Variants in SIM2 observed in about 807,000 individuals in gnomAD.
SIM2 encodes SIM bHLH transcription factor 2, also known as single-minded homolog 2.
A neutral mutation model predicts 64.8 loss-of-function variants in SIM2; 28 were observed. The observed-to-expected ratio is 0.43, with a 90% CI of 0.32 to 0.59. SIM2 has a LOEUF of 0.59. Among genes scored for constraint, SIM2 ranks in the 20% least tolerant of loss-of-function variants. The pLI is 0.07. For missense variants in SIM2, 847 were observed against 871.4 expected (o/e 0.97, Z 0.35); for synonymous variants, 408 against 391.1 (o/e 1.04, Z -0.51).
intron 3 of SIM2, among the ~76,000 whole-genome samples, chr21:36,716,397 C>T (rs2088747257): frequency 6.6e-6 from 1 of 151,728 alleles, no homozygotes; most frequent in Non-Finnish European, 1.5e-5. Flanking sequence ...TTATGAGACA[C>T]ATAAAAGAAT....
Position 36,699,973 on chromosome 21 carries a change from C to A in SIM2, c.175+52C>A. 1.3e-6 allele frequency: 2 copies of A among 1,514,162 alleles called. No individual in the cohort carries two copies. The highest frequency in any genetic ancestry group is 2.5e-5 in the East Asian group (1 of 40,602). The allele number at this position is 1,514,162 out of a possible 1,614,324, so 93.8% of individuals were successfully genotyped here. ...ACGCTGGGGAGCCCGGCGGCCCCGG[C>A]CCAGGCGGGAAGCGCAAGCCAGCCC... is the stretch of plus-strand genomic sequence containing the variant. On this transcript the variant is annotated intron_variant, in intron 1 of 10. Coordinates refer to ENST00000290399, the MANE Select transcript of SIM2 (RefSeq NM_005069.6). The surrounding 1 kb of genome is among the most constrained non-coding windows in gnomAD (Gnocchi z 5.6).
intron 7 of SIM2, among the ~76,000 whole-genome samples, chr21:36,732,379 G>T (rs2088981774): frequency 6.6e-6 from 1 of 152,226 alleles, no homozygotes; most frequent in South Asian, 2.1e-4. Flanking sequence ...GCCTTCTGTT[G>T]GCTCAGGGAC....
rs181591304 is a variant in SIM2, at chr21:36,709,440, C to T, written c.258+190C>T. ...ATGTCGGATGCGGCCTGCGGCCAAC[C>T]CTACCCTAACCCTACGTCTGCCCCC... is the stretch of plus-strand genomic sequence containing the variant. On this transcript the variant is annotated intron_variant, in intron 2 of 10. Coordinates refer to ENST00000290399, the MANE Select transcript of SIM2 (RefSeq NM_005069.6). 261 of 699,654 alleles carry T rather than the reference C, an allele frequency of 3.7e-4. 2 individuals carry two copies. In the African/African-American group the frequency reaches 4.2e-3, roughly 11 times the overall value. 43.3% of individuals were successfully genotyped at this position (699,654 alleles called of 1,614,324 possible).
At position 36,747,669 on chromosome 21, in the gene SIM2, C is replaced by A; in HGVS notation, c.1581C>A (p.Pro527=). 8.0e-7 allele frequency: 1 copy of A among 1,246,798 alleles called. No individual in the cohort carries two copies. The highest frequency in any genetic ancestry group is 1.0e-6 in the Non-Finnish European group (1 of 994,884). 77.2% of individuals were successfully genotyped at this position (1,246,798 alleles called of 1,614,324 possible). A position where few individuals can be genotyped will look rare whatever the true frequency, so the allele number is the denominator to read the frequency against. Residue 527 remains proline, a synonymous_variant, in exon 11 of 11, where the codon CCC becomes CCA. Transcript: ENST00000290399. The surrounding 1 kb of genome is among the most constrained non-coding windows in gnomAD (Gnocchi z 4.5). ...ACGTGTCGCCTGTCCCCGCAGCGCC[C>A]GCCGCCGCCGTGCGCAGGTTCGGCG... ...RHSLVPSYEA[P]AAAVRRFGED...
chr21:36,706,683 C>A (rs2088588515), intron 1 of SIM2, among the ~76,000 whole-genome samples: 1 of 152,110 alleles, frequency 6.6e-6, no homozygotes. Flanking sequence ...GTGAAAAAAC[C>A]TCGCCCGCAT....
At chr21:36,733,235 T>G (rs1245890993) in intron 7 of SIM2, among the ~76,000 whole-genome samples, 1 of 152,160 alleles carries the variant, frequency 6.6e-6, no homozygotes, top group Non-Finnish European at 1.5e-5. Flanking sequence ...AATCTCTTTT[T>G]TTTTAATGAG....
intron 5 of SIM2, among the ~76,000 whole-genome samples, chr21:36,723,336 C>T (rs568745434): frequency 2.6e-5 from 4 of 152,248 alleles, no homozygotes; most frequent in South Asian, 2.1e-4. Flanking sequence ...TGGAATTCAT[C>T]GCATAAGACC....
intron 1 of SIM2, among the ~76,000 whole-genome samples, chr21:36,705,595 G>A (rs910926050): frequency 6.6e-6 from 1 of 152,214 alleles, no homozygotes; most frequent in Non-Finnish European, 1.5e-5. Flanking sequence ...AGAAATAGAG[G>A]TTAGAGGTCG....
chr21:36,734,586 C>A (rs1447377183), intron 7 of SIM2, among the ~76,000 whole-genome samples: 1 of 152,152 alleles, frequency 6.6e-6, no homozygotes, highest in Non-Finnish European at 1.5e-5. Context: ...TCAGTTTCCC[C>A]TGGCAGCTTT....
chr21:36,701,706 T>G (rs9977822), intron 1 of SIM2: 34,293 of 152,276 alleles, frequency 0.23, 4,513 homozygotes, highest in Non-Finnish European at 0.3. Flanking sequence ...ACTTGTCCGC[T>G]CAATGGTGAC....
intron 1 of SIM2, among the ~76,000 whole-genome samples, chr21:36,702,702 T>TGGA (rs957068208): frequency 6.6e-6 from 1 of 151,970 alleles, no homozygotes; most frequent in African/African-American, 2.4e-5. Flanking sequence ...CGAGGGAGGA[T>TGGA]ATGGCTGCGG....
chr21:36,714,974 A>G (rs1400185162), intron 3 of SIM2, among the ~76,000 whole-genome samples: 2 of 152,196 alleles, frequency 1.3e-5, no homozygotes, highest in African/African-American at 4.8e-5. Context: ...GTTAGGCACT[A>G]CCATTTTCTA....
intron 7 of SIM2, 56 bp downstream of exon 7, chr21:36,731,207 G>A (rs2088964236): frequency 5.3e-6 from 7 of 1,315,300 alleles, no homozygotes; most frequent in Non-Finnish European, 7.7e-6. Context: ...AGGAGGCGCT[G>A]AGGACAGAGC....
At chr21:36,705,980 C>T (rs77659217) in intron 1 of SIM2, among the ~76,000 whole-genome samples, 23,646 of 152,154 alleles carry the variant, frequency 0.16, 2,232 homozygotes, top group South Asian at 0.24. Flanking sequence ...TGGCTGCCTC[C>T]TTTACGGGTC....
intron 3 of SIM2, among the ~76,000 whole-genome samples, chr21:36,714,448 C>A (rs1223384742): frequency 6.6e-6 from 1 of 152,182 alleles, no homozygotes; most frequent in Admixed American, 6.5e-5. Context: ...GGTTCTTTAA[C>A]CTACTTGAAC....
At position 36,719,840 on chromosome 21, in the gene SIM2, G is replaced by A. The variant is rs377259454; in HGVS notation, c.368G>A (p.Ser123Asn). 32 of 1,612,124 alleles carry A rather than the reference G, an allele frequency of 2.0e-5. No individual in the cohort carries two copies. The highest frequency in any genetic ancestry group is 2.6e-5 in the Non-Finnish European group (31 of 1,178,502). ...CGGCAGGTGGAGCTCACGGGCAACA[G>A]TATTTATGAATACATCCATCCTTCT... ...GLSQVELTGNSIYEYIHPSDH... is the reference protein window; with the variant it reads ...GLSQVELTGNNIYEYIHPSDH... The change falls in exon 4 of 11, where the codon AGT becomes AAT. Residue 123 changes from serine (S) to asparagine (N), a missense_variant. Physicochemically the swap from Ser to Asn is conservative, Grantham distance 46 (BLOSUM62 1). Transcript: ENST00000290399.
chr21:36,724,703 T>A (rs191786264), intron 5 of SIM2, among the ~76,000 whole-genome samples: 6 of 152,334 alleles, frequency 3.9e-5, no homozygotes, highest in Non-Finnish European at 7.3e-5. Context: ...ACTGGAAGGA[T>A]TTTAAGATTT....
Position 36,727,270 on chromosome 21 carries a change from G to T in SIM2, c.743+952G>T, listed in dbSNP as rs1303105315. Among the ~76,000 whole-genome samples the T allele has an allele frequency of 2.0e-5, 3 of 152,032 alleles. No individual in the cohort carries two copies. The East Asian group carries it at 5.8e-4, about 29-fold the overall frequency. ...GGCTGGTCTTGAACTCCTGACCTCA[G>T]GTGATCCGCCCGCCTCAGCCTCCCA... On this transcript the variant is annotated intron_variant, in intron 6 of 10. Transcript: ENST00000290399.
At chr21:36,714,782 T>C (rs2088722996) in intron 3 of SIM2, among the ~76,000 whole-genome samples, 1 of 152,182 alleles carries the variant, frequency 6.6e-6, no homozygotes, top group Non-Finnish European at 1.5e-5. Context: ...ATAGAATTGA[T>C]TGATTATAAA....
Sources: allele counts gnomAD v4.1 joint callset (sites outside exome capture counted in the v4.1 genomes callset), GRCh38; gene constraint gnomAD v4.1.1; non-coding constraint Gnocchi (gnomAD v3.1); transcripts MANE v1.5; gene names NCBI Gene and HGNC (gene_info 2026-07-23, HGNC 2026-07-21).